Variants in GALK2 observed in about 807,000 individuals in gnomAD.
GALK2 encodes galactokinase 2, also known as N-acetylgalactosamine kinase.
A neutral mutation model predicts 52.4 loss-of-function variants in GALK2; 36 were observed. The observed-to-expected ratio is 0.69, with a 90% CI of 0.53 to 0.91. The LOEUF (loss-of-function observed/expected upper bound fraction) is 0.91, where lower values mean the gene tolerates loss of function less well. Ranked by LOEUF, GALK2 falls within the 40% of genes least tolerant of loss-of-function variation. The pLI is 0.00. For synonymous variants in GALK2, 176 were observed against 199.1 expected, an observed-to-expected ratio of 0.88 and a Z score of 0.98; for missense variants, 579 against 559.1, an observed-to-expected ratio of 1.04 and a Z score of -0.36.
At chr15:49,355,957 T>A (rs1280183986) in intron 3 of GALK2, among the ~76,000 whole-genome samples, 1 of 151,300 alleles carries the variant, frequency 6.6e-6, no homozygotes, top group East Asian at 1.9e-4. Context: ...AAGAAAAGAA[T>A]TTTCAACCCA....
intron 3 of GALK2, among the ~76,000 whole-genome samples, chr15:49,227,840 T>C (rs2090220691): frequency 6.6e-6 from 1 of 152,170 alleles, no homozygotes; most frequent in Non-Finnish European, 1.5e-5. Flanking sequence ...TGTTTTCCTG[T>C]TGGTGTATAT....
Position 49,327,923 on chromosome 15 carries a change from T to C in GALK2, c.1170-29T>C, listed in dbSNP as rs916832088. On this transcript the variant is annotated intron_variant, in intron 9 of 9. Coordinates refer to ENST00000560031, the MANE Select transcript of GALK2 (RefSeq NM_002044.4). The stretch of plus-strand genomic sequence containing the variant: ...AATCCCTTGTATTTTCATTTATAGG[T>C]TCTAATATTTTTTTCCTCACTGTTT... 5.7e-6 allele frequency: 9 copies of C among 1,591,398 alleles called. No individual in the cohort carries two copies. In the African/African-American group the frequency reaches 8.1e-5, roughly 14 times the overall value.
intron 5 of GALK2, among the ~76,000 whole-genome samples, chr15:49,267,959 T>G (rs1381367656): frequency 6.6e-6 from 1 of 152,228 alleles, no homozygotes; most frequent in East Asian, 1.9e-4. Context: ...GATTTGCCAG[T>G]GTCATATAAT....
intron 8 of GALK2, among the ~76,000 whole-genome samples, chr15:49,299,751 C>CTTTCTTTCTTTTTTTTT (rs1567037420): frequency 1.6e-5 from 2 of 127,208 alleles, no homozygotes; most frequent in African/African-American, 6.2e-5. Context: ...TTCTTTCTTT[C>CTTTCTTTCTTTTTTTTT]TTTCTTTCTT....
intron 1 of GALK2, chr15:49,156,065 G>A (rs370929156): frequency 3.8e-6 from 6 of 1,586,326 alleles, no homozygotes; most frequent in Non-Finnish European, 4.3e-6. Context: ...CACACATTGC[G>A]GTGGGTGTTC....
intron 3 of GALK2, among the ~76,000 whole-genome samples, chr15:49,231,256 C>G (rs1251852774): frequency 2.6e-5 from 4 of 152,154 alleles, no homozygotes; most frequent in Non-Finnish European, 5.9e-5. Flanking sequence ...ATGAGTGGAG[C>G]AGGAGGCAGA....
intron 8 of GALK2, among the ~76,000 whole-genome samples, chr15:49,308,349 G>A (rs993033603): frequency 2.6e-5 from 4 of 152,160 alleles, no homozygotes; most frequent in African/African-American, 9.7e-5. Context: ...GCCAGCTACA[G>A]CCACAACTAC....
intron 1 of GALK2, among the ~76,000 whole-genome samples, chr15:49,186,558 T>G (rs2086358822): frequency 6.7e-6 from 1 of 150,204 alleles, no homozygotes; most frequent in Admixed American, 6.6e-5. Context: ...TTTTTTTTTT[T>G]GAGATGGAGT....
At chr15:49,219,898 AT>A (rs2089666018) in intron 3 of GALK2, among the ~76,000 whole-genome samples, 1 of 152,152 alleles carries the variant, frequency 6.6e-6, no homozygotes, top group African/African-American at 2.4e-5. Flanking sequence ...AATTTTAGCT[AT>A]TCTCATAAAT....
intron 8 of GALK2, among the ~76,000 whole-genome samples, chr15:49,295,233 TC>T: frequency 6.6e-6 from 1 of 151,702 alleles, no homozygotes; most frequent in South Asian, 2.1e-4. Context: ...GGTAAATAAA[TC>T]CAAGGTATGG....
At chr15:49,170,456 C>G (rs2084995640) in intron 1 of GALK2, 81 bp downstream of exon 1, 1 of 1,402,238 alleles carries the variant, frequency 7.1e-7, no homozygotes, top group Admixed American at 2.0e-5. Context: ...TGGCTCCTCC[C>G]TTGGGGCGCT....
intron 1 of GALK2, among the ~76,000 whole-genome samples, chr15:49,185,121 C>G (rs1345482304): frequency 6.6e-6 from 1 of 152,064 alleles, no homozygotes; most frequent in African/African-American, 2.4e-5. Context: ...CAACCCATAC[C>G]CCACTCCTCC....
rs1206220523 is a variant in GALK2, at chr15:49,221,816, A to G, written c.266+4503A>G. Reference sequence around the variant, plus strand: ...GTTTGGGTTTTTATAGCCTTATAATATATTTTGAGGTCAGATAGCGTGACC... The same window carrying G: ...GTTTGGGTTTTTATAGCCTTATAATGTATTTTGAGGTCAGATAGCGTGACC... On this transcript the variant is annotated intron_variant, in intron 3 of 9. Transcript: ENST00000560031. 2.0e-5 allele frequency among the ~76,000 whole-genome samples: 3 copies of G among 152,210 alleles called. No individual in the cohort carries two copies. In the East Asian group the frequency reaches 5.8e-4, roughly 29 times the overall value.
chr15:49,215,286 T>A (rs2089280466), intron 2 of GALK2, among the ~76,000 whole-genome samples: 3 of 152,214 alleles, frequency 2.0e-5, no homozygotes, highest in Non-Finnish European at 4.4e-5. Context: ...TGGAAAGTTT[T>A]CTATCAGTAT....
intron 1 of GALK2, among the ~76,000 whole-genome samples, chr15:49,171,084 T>TTC (rs1223044723): frequency 7.9e-6 from 1 of 127,196 alleles, no homozygotes; most frequent in African/African-American, 3.7e-5. Context: ...TTCTTTTTCT[T>TTC]TTTTTTTTTT....
At chr15:49,205,522 T>G (rs1171051032) in intron 2 of GALK2, among the ~76,000 whole-genome samples, 1 of 152,252 alleles carries the variant, frequency 6.6e-6, no homozygotes, top group Non-Finnish European at 1.5e-5. Flanking sequence ...GCCATTTCTA[T>G]ATCTTCCTTT....
chr15:49,171,404 T>G (rs940305640), intron 1 of GALK2, among the ~76,000 whole-genome samples: 2 of 152,088 alleles, frequency 1.3e-5, no homozygotes. Context: ...TGTTTTCAGT[T>G]TTTTTCTGTT....
At chr15:49,217,681 T>C (rs2089493489) in intron 3 of GALK2, among the ~76,000 whole-genome samples, 1 of 152,228 alleles carries the variant, frequency 6.6e-6, no homozygotes, top group Non-Finnish European at 1.5e-5. Context: ...TCATAGCATA[T>C]TATTATGCTG....
chr15:49,257,473 C>G (rs2091862583), intron 5 of GALK2, among the ~76,000 whole-genome samples: 1 of 152,136 alleles, frequency 6.6e-6, no homozygotes, highest in Non-Finnish European at 1.5e-5. Context: ...ATAAATATCT[C>G]TGGATGCATG....
Sources: gnomAD v4.1 joint callset for allele counts (sites outside exome capture counted in the v4.1 genomes callset) on GRCh38, gnomAD v4.1.1 for gene constraint, MANE v1.5 for transcripts, NCBI Gene and HGNC (gene_info 2026-07-23, HGNC 2026-07-21) for gene names.